Variants in GPC4 observed in about 807,000 individuals in gnomAD.
The protein encoded by GPC4 is glypican-4.
A neutral mutation model predicts 35.0 loss-of-function variants in GPC4; 10 were observed. The ratio of observed to expected loss-of-function variants is 0.29; its 90% confidence interval spans 0.18 to 0.48. GPC4 has a LOEUF of 0.48. GPC4 is among the 20% of genes least tolerant of loss of function. GPC4 has a pLI of 0.99. For synonymous variants in GPC4, 167 were observed against 170.2 expected (o/e 0.98, Z 0.15); for missense variants, 322 against 451.3 (o/e 0.71, Z 2.60).
rs1021705542 is a variant in GPC4 at position 133,369,918 on chromosome X, A to T, written c.161-30577T>A. ...CAAAATAATTAACACTCAACTTGATAAAAAAAAAGGTTAAATCACTCCCAT... is the reference window on the plus strand; with the variant it reads ...CAAAATAATTAACACTCAACTTGATTAAAAAAAAGGTTAAATCACTCCCAT... On this transcript the variant is annotated intron_variant, in intron 1 of 8. Transcript: ENST00000370828. Among the ~76,000 whole-genome samples, 6 of 100,418 alleles carry T rather than the reference A, an allele frequency of 6.0e-5. No homozygotes were observed. In the East Asian group the frequency reaches 8.5e-4, roughly 14 times the overall value. The allele number at this position is 100,418 out of a possible 115,157, so 87.2% of individuals were successfully genotyped here.
chrX:133,396,653 T>G (rs73239387), intron 1 of GPC4, among the ~76,000 whole-genome samples: 1 of 111,647 alleles, frequency 9.0e-6, no homozygotes, highest in African/African-American at 3.2e-5. Context: ...GAGTTGCCAT[T>G]AGTCTCTCGT....
chrX:133,339,363 A>G, intron 1 of GPC4, 22 bp from the exon 2 acceptor site: 3 of 1,193,552 alleles, frequency 2.5e-6, no homozygotes, highest in South Asian at 1.8e-5. Context: ...AAAGTAAGAC[A>G]GTCAATGTCT....
intron 1 of GPC4, among the ~76,000 whole-genome samples, chrX:133,346,973 C>T (rs1407267636): frequency 1.8e-5 from 2 of 110,988 alleles, no homozygotes; most frequent in East Asian, 2.8e-4. Context: ...GGAGGTACAA[C>T]CTTGTAGATA....
chrX:133,333,135 T>C (rs1319685418), intron 2 of GPC4, among the ~76,000 whole-genome samples: 1 of 112,320 alleles, frequency 8.9e-6, no homozygotes, highest in Non-Finnish European at 1.9e-5. Flanking sequence ...CAGTGCTAGA[T>C]CAACTAAGCC....
intron 2 of GPC4, among the ~76,000 whole-genome samples, chrX:133,325,641 C>G (rs1340861170): frequency 5.4e-5 from 6 of 111,816 alleles, no homozygotes; most frequent in Non-Finnish European, 1.1e-4. Flanking sequence ...AATACCAAAG[C>G]AAAATATAAG....
chrX:133,351,966 A>AGTG lies in GPC4; in HGVS notation c.161-12626_161-12625insCAC, dbSNP rs769358868. ...GATGCCATCCATCAGTGCAGAAAAT[A>AGTG]CAAATGGCTTGGTCTCCGCCCTCTT... On this transcript the variant is annotated intron_variant, in intron 1 of 8. Transcript: ENST00000370828. Among the ~76,000 whole-genome samples the AGTG allele has an allele frequency of 6.4e-3, 721 of 112,490 alleles. 2 individuals are homozygous for AGTG. Among genetic ancestry groups the AGTG allele is most frequent in the Non-Finnish European group, 6.8e-3 (363 of 53,353 alleles).
chrX:133,316,174 C>T (rs999867613), intron 3 of GPC4, among the ~76,000 whole-genome samples: 8 of 111,723 alleles, frequency 7.2e-5, no homozygotes, highest in African/African-American at 1.9e-4. Flanking sequence ...TACATTTACA[C>T]AGTATTTAGT....
Position 133,339,217 on chromosome X carries a change from T to C in GPC4, c.285A>G (p.Gln95=). Residue 95 remains glutamine (Q), a synonymous_variant, in exon 2 of 9, where the codon CAA becomes CAG. Transcript: ENST00000370828. ...TCTTGTAACGTGAAGCAAAGACAGC[T>C]TGCAAATGATTGCACTGTTCGCTGA... ...SVVSEQCNHL[Q]AVFASRYKKF... 2 of 1,211,422 alleles carry C rather than the reference T, an allele frequency of 1.7e-6. No individual in the cohort carries two copies. Among genetic ancestry groups the C allele is most frequent in the Non-Finnish European group, 2.2e-6 (2 of 895,303 alleles).
chrX:133,334,195 T>C (rs1422143501), intron 2 of GPC4, among the ~76,000 whole-genome samples: 1 of 111,947 alleles, frequency 8.9e-6, no homozygotes, highest in Admixed American at 9.5e-5. Context: ...ATGGCTAATA[T>C]GAACTACAGA....
intron 1 of GPC4, among the ~76,000 whole-genome samples, chrX:133,347,264 T>G (rs1427600335): frequency 1.1e-5 from 1 of 93,316 alleles, no homozygotes; most frequent in Non-Finnish European, 2.1e-5. Flanking sequence ...TTTTTTTTTT[T>G]TTTTTTTTTT....
intron 4 of GPC4, among the ~76,000 whole-genome samples, chrX:133,310,347 C>G (rs1351319721): frequency 9.0e-6 from 1 of 111,730 alleles, no homozygotes; most frequent in Non-Finnish European, 1.9e-5. Flanking sequence ...GTGTGCGGTC[C>G]TACTAATACT....
In GPC4 at chrX:133,407,992, TAG is replaced by T. The variant is rs778248440; in HGVS notation, c.160+6812_160+6813del. Among the ~76,000 whole-genome samples, 4 of 112,747 alleles carry T rather than the reference TAG, an allele frequency of 3.5e-5. No individual in the cohort carries two copies. The South Asian group carries it at 1.1e-3, about 31-fold the overall frequency. ...TTTTCCCCTAATTTCTAACATTTGT[TAG>T]AGTTTCTTTCTCAAAAGTTGAATAC... is the stretch of plus-strand genomic sequence containing the variant. On this transcript the variant is annotated intron_variant, in intron 1 of 8. Coordinates refer to ENST00000370828, the MANE Select transcript of GPC4 (RefSeq NM_001448.3).
intron 3 of GPC4, among the ~76,000 whole-genome samples, chrX:133,322,168 G>A (rs764474305): frequency 9.8e-5 from 11 of 111,890 alleles, no homozygotes; most frequent in African/African-American, 3.6e-4. Context: ...CACCTGGCCA[G>A]CACGGTGGCT....
intron 1 of GPC4, among the ~76,000 whole-genome samples, chrX:133,367,386 C>T (rs1198320383): frequency 1.8e-5 from 2 of 112,375 alleles, no homozygotes; most frequent in East Asian, 5.6e-4. Context: ...CCTTCCTCAA[C>T]CTTAGGCTAA....
chrX:133,306,831 C>T (rs1462363197), intron 4 of GPC4, among the ~76,000 whole-genome samples: 2 of 111,876 alleles, frequency 1.8e-5, no homozygotes, highest in South Asian at 7.5e-4. Flanking sequence ...GAAGATGACA[C>T]AAGATACAGT....
intron 1 of GPC4, among the ~76,000 whole-genome samples, chrX:133,373,848 G>A (rs2068623053): frequency 9.0e-6 from 1 of 111,649 alleles, no homozygotes; most frequent in Non-Finnish European, 1.9e-5. Context: ...GAGCAAGTGA[G>A]TAGCCACATG....
intron 4 of GPC4, among the ~76,000 whole-genome samples, chrX:133,308,371 G>C (rs774336162): frequency 1.2e-4 from 13 of 112,198 alleles, no homozygotes; most frequent in Non-Finnish European, 2.4e-4. Flanking sequence ...TGAGTCAAAT[G>C]AGTGTTAACA....
intron 2 of GPC4, among the ~76,000 whole-genome samples, chrX:133,326,709 T>C (rs761996745): frequency 1.0e-3 from 113 of 112,789 alleles, no homozygotes; most frequent in South Asian, 1.8e-3. Context: ...AGAAAATGTC[T>C]TTCCAATGAA....
rs141805698 is a variant in GPC4, at chrX:133,409,411, T to C, written c.160+5395A>G. Among the ~76,000 whole-genome samples the C allele has an allele frequency of 9.1e-3, 934 of 102,663 alleles. 13 individuals carry two copies. The highest frequency in any genetic ancestry group is 0.031 in the African/African-American group (890 of 28,562). The allele number at this position is 102,663 out of a possible 115,157, so 89.2% of individuals were successfully genotyped here. A position where few individuals can be genotyped will look rare whatever the true frequency, so the allele number is the denominator to read the frequency against. On this transcript the variant is annotated intron_variant, in intron 1 of 8. Transcript: ENST00000370828. ...CAACAGACCATGGAATGACAATCTA[T>C]CATCAAGGCAGTATAATCTCATTGT...
Sources: gnomAD v4.1 joint callset for allele counts (sites outside exome capture counted in the v4.1 genomes callset) on GRCh38, gnomAD v4.1.1 for gene constraint, MANE v1.5 for transcripts, NCBI Gene and HGNC (gene_info 2026-07-23, HGNC 2026-07-21) for gene names.